The following PLEKHA7 variants were observed in gnomAD, a reference collection of about 807,000 sequenced individuals.
PLEKHA7 encodes pleckstrin homology domain containing A7.
A neutral mutation model predicts 170.0 loss-of-function variants in PLEKHA7; 104 were observed. The ratio of observed to expected loss-of-function variants is 0.61; its 90% CI spans 0.52 to 0.72. PLEKHA7 has a LOEUF of 0.72. Ranked by LOEUF, PLEKHA7 falls within the 30% of genes least tolerant of loss-of-function variation. The pLI, the probability that PLEKHA7 is intolerant of heterozygous loss-of-function variation, is 0.00. For synonymous variants in PLEKHA7, 648 were observed against 660.8 expected, an observed-to-expected ratio of 0.98 and a Z score of 0.30; for missense variants, 1,615 against 1,671.7, an observed-to-expected ratio of 0.97 and a Z score of 0.59.
rs1055895215 is a variant in PLEKHA7, at chr11:16,802,005, C to A, written c.2158-188G>T. On this transcript the variant is annotated intron_variant, in intron 15 of 26. Coordinates refer to ENST00000531066, the MANE Select transcript of PLEKHA7 (RefSeq NM_001329630.2). ...TCTAGGGAGTAGGCTGGGGAAAGTACCTAACAGCTCTGTGCCTCAATTTTG... is the reference window on the plus strand; with the variant it reads ...TCTAGGGAGTAGGCTGGGGAAAGTAACTAACAGCTCTGTGCCTCAATTTTG... Among the ~76,000 whole-genome samples the A allele has an allele frequency of 2.6e-5, 4 of 152,126 alleles. No homozygotes were observed. In the South Asian group the frequency reaches 8.3e-4, roughly 32 times the overall value.
chr11:16,976,102 AG>A (rs1264748725), intron 3 of PLEKHA7, among the ~76,000 whole-genome samples: 20 of 152,354 alleles, frequency 1.3e-4, no homozygotes, highest in Admixed American at 1.1e-3. Flanking sequence ...CAACCATACC[AG>A]GAGCTATTTG....
chr11:17,011,136 C>T (rs1865300770), intron 3 of PLEKHA7, among the ~76,000 whole-genome samples: 1 of 152,192 alleles, frequency 6.6e-6, no homozygotes, highest in Non-Finnish European at 1.5e-5. Flanking sequence ...GCTCCAGCCT[C>T]CAGAGTCCCA....
At chr11:16,898,812 G>A (rs917059176) in intron 3 of PLEKHA7, among the ~76,000 whole-genome samples, 12 of 152,172 alleles carry the variant, frequency 7.9e-5, no homozygotes, top group African/African-American at 2.4e-4. Flanking sequence ...GTTCCCCCTA[G>A]TTCACTGTCC....
chr11:16,935,137 T>G (rs1860198899), intron 3 of PLEKHA7, among the ~76,000 whole-genome samples: 1 of 152,178 alleles, frequency 6.6e-6, no homozygotes, highest in Non-Finnish European at 1.5e-5. Context: ...TATCCACAAA[T>G]AAATATCGAA....
intron 3 of PLEKHA7, among the ~76,000 whole-genome samples, chr11:16,902,033 T>G (rs1319671753): frequency 4.6e-5 from 7 of 152,186 alleles, no homozygotes; most frequent in Admixed American, 4.6e-4. Context: ...TAAATCCACT[T>G]TCTATCTCTC....
chr11:16,817,557 C>G lies in PLEKHA7; in HGVS notation c.1344-235G>C, dbSNP rs896163789. 6.4e-6 allele frequency: 3 copies of G among 466,450 alleles called. No individual in the cohort carries two copies. The Admixed American group carries it at 1.1e-4, about 17-fold the overall frequency. 28.9% of individuals were successfully genotyped at this position (466,450 alleles called of 1,614,324 possible). A position where few individuals can be genotyped will look rare whatever the true frequency, so the allele number is the denominator to read the frequency against. On this transcript the variant is annotated intron_variant, in intron 10 of 26. Coordinates refer to ENST00000531066, the MANE Select transcript of PLEKHA7 (RefSeq NM_001329630.2). The surrounding 1 kb of genome is among the most constrained non-coding windows in gnomAD (Gnocchi z 4.4). ...CCAGGACAACTTGGCTACCCCATGC[C>G]CATCACTTGGAGTGCAATGTGATTA... is the stretch of plus-strand genomic sequence containing the variant.
At chr11:16,819,884 G>A (rs1183020628) in intron 10 of PLEKHA7, among the ~76,000 whole-genome samples, 2 of 152,170 alleles carry the variant, frequency 1.3e-5, no homozygotes, top group Non-Finnish European at 2.9e-5. Flanking sequence ...CTACTGCACA[G>A]CATGGTGACA....
intron 15 of PLEKHA7, 125 bp downstream of exon 15, chr11:16,802,847 A>G: frequency 1.2e-6 from 1 of 865,078 alleles, no homozygotes; most frequent in Admixed American, 2.0e-5. Context: ...CACCTGGTGC[A>G]TTTTTTTTTA....
intron 3 of PLEKHA7, among the ~76,000 whole-genome samples, chr11:16,971,715 A>G (rs982939780): frequency 4.6e-5 from 7 of 152,110 alleles, no homozygotes; most frequent in African/African-American, 1.7e-4. Context: ...AGAGAAAAAC[A>G]TTTTTATTCT....
At chr11:16,940,454 A>AT (rs1158394000) in intron 3 of PLEKHA7, among the ~76,000 whole-genome samples, 3 of 151,572 alleles carry the variant, frequency 2.0e-5, no homozygotes, top group Non-Finnish European at 2.9e-5. Flanking sequence ...TGCCTGGCTA[A>AT]TTTTTTTGTA....
intron 3 of PLEKHA7, among the ~76,000 whole-genome samples, chr11:16,924,615 T>C (rs1324202748): frequency 2.0e-5 from 3 of 151,970 alleles, no homozygotes; most frequent in African/African-American, 4.8e-5. Flanking sequence ...TGGGAGGAGA[T>C]GGGGCTGTCC....
chr11:16,783,891 C>G (rs925304184), intron 24 of PLEKHA7, 58 bp from the exon 25 acceptor site: 2 of 1,349,632 alleles, frequency 1.5e-6, no homozygotes, highest in Admixed American at 3.5e-5. Flanking sequence ...GTTTAGGACT[C>G]GCTTTCCCCA....
At chr11:16,804,313 AT>A (rs1848800226) in intron 13 of PLEKHA7, among the ~76,000 whole-genome samples, 1 of 152,210 alleles carries the variant, frequency 6.6e-6, no homozygotes, top group Non-Finnish European at 1.5e-5. Context: ...TGTGTGTGCT[AT>A]GCAGAGAGGT....
At chr11:16,961,864 G>A (rs1008121702) in intron 3 of PLEKHA7, among the ~76,000 whole-genome samples, 1 of 152,184 alleles carries the variant, frequency 6.6e-6, no homozygotes, top group Admixed American at 6.5e-5. Context: ...CTGTAAATTA[G>A]GATCAGTACC....
At chr11:16,907,231 G>A (rs1212258091) in intron 3 of PLEKHA7, among the ~76,000 whole-genome samples, 1 of 91,772 alleles carries the variant, frequency 1.1e-5, no homozygotes, top group South Asian at 4.6e-4. Flanking sequence ...CCCCCCACCT[G>A]GCCAGCCGCC....
intron 3 of PLEKHA7, among the ~76,000 whole-genome samples, chr11:16,983,251 A>G (rs751319065): frequency 6.6e-6 from 1 of 152,210 alleles, no homozygotes; most frequent in Non-Finnish European, 1.5e-5. Context: ...GAATGTGACA[A>G]TTACAGGAGG....
At chr11:16,788,989 A>T in intron 23 of PLEKHA7, 107 bp downstream of exon 23, 2 of 1,362,620 alleles carry the variant, frequency 1.5e-6, no homozygotes, top group South Asian at 2.7e-5. Context: ...CATGTAGGTC[A>T]ATGGACAGCT....
intron 3 of PLEKHA7, among the ~76,000 whole-genome samples, chr11:16,906,739 G>A (rs1217598061): frequency 7.1e-6 from 1 of 141,396 alleles, no homozygotes; most frequent in Non-Finnish European, 1.5e-5. Flanking sequence ...CCTCTGCCCG[G>A]CCGCCACCCC....
chr11:16,821,709 A>G, intron 10 of PLEKHA7, among the ~76,000 whole-genome samples: 1 of 152,238 alleles, frequency 6.6e-6, no homozygotes, highest in South Asian at 2.1e-4. Flanking sequence ...GAGACTACAA[A>G]TATATCTTTA....
Sources: allele counts gnomAD v4.1 joint callset (sites outside exome capture counted in the v4.1 genomes callset), GRCh38; gene constraint gnomAD v4.1.1; non-coding constraint Gnocchi (gnomAD v3.1); transcripts MANE v1.5; gene names NCBI Gene and HGNC (gene_info 2026-07-23, HGNC 2026-07-21).